The following ADGRV1 variants were observed in gnomAD, a reference collection of about 807,000 sequenced individuals.
The protein encoded by ADGRV1 is adhesion G protein-coupled receptor V1, also known as G-protein coupled receptor 98.
ADGRV1 carries 359 observed loss-of-function variants against 596.2 expected under a neutral mutation model. That is an observed-to-expected ratio of 0.60 (90% CI 0.55 to 0.66). ADGRV1 has a LOEUF of 0.66. Ranked by LOEUF, ADGRV1 falls within the 30% of genes least tolerant of loss-of-function variation. The pLI, the probability that ADGRV1 is intolerant of heterozygous loss-of-function variation, is 0.00. For synonymous variants in ADGRV1, 2,681 were observed against 2,679.2 expected, an observed-to-expected ratio of 1.00 and a Z score of -0.02; for missense variants, 7,274 against 7,575.6, an observed-to-expected ratio of 0.96 and a Z score of 1.48.
chr5:90,932,151 A>C (rs1212990264), intron 83 of ADGRV1, among the ~76,000 whole-genome samples: 1 of 152,216 alleles, frequency 6.6e-6, no homozygotes, highest in Non-Finnish European at 1.5e-5. Context: ...AGAGAATTCA[A>C]GGAAGTGGTA....
Position 90,629,446 on chromosome 5 carries a change from CCT to C in ADGRV1, c.1748_1749del (p.Leu583HisfsTer18). ...TCTTAAATATATCAAGGAGAAATGACCTCATTTTTCCAGAGCAAAAAACTCAA... is the reference window on the plus strand; with the variant it reads ...TCTTAAATATATCAAGGAGAAATGACCATTTTTCCAGAGCAAAAAACTCAA... ...GILNISRRNDLIFPEQKTQVT... is the reference protein window; with the variant it reads ...GILNISRRNDXIFPEQKTQVT... On this transcript the variant is annotated frameshift_variant, in exon 9 of 90. Transcript: ENST00000405460. LOFTEE classifies it high-confidence loss of function. 6.2e-7 allele frequency: 1 copy of C among 1,613,346 alleles called. No homozygotes were observed. Among genetic ancestry groups the C allele is most frequent in the Non-Finnish European group, 8.5e-7 (1 of 1,179,578 alleles).
At chr5:90,611,704 A>G (rs1026411423) in intron 1 of ADGRV1, among the ~76,000 whole-genome samples, 1 of 151,964 alleles carries the variant, frequency 6.6e-6, no homozygotes, top group East Asian at 1.9e-4. Flanking sequence ...GGCATGAAAA[A>G]ATTTTGTTAA....
intron 85 of ADGRV1, among the ~76,000 whole-genome samples, chr5:90,988,492 G>A (rs376471397): frequency 6.6e-6 from 1 of 152,038 alleles, no homozygotes; most frequent in East Asian, 1.9e-4. Flanking sequence ...CCCCCTGTAC[G>A]TTGTTATCTA....
intron 1 of ADGRV1, among the ~76,000 whole-genome samples, chr5:90,613,097 T>C (rs1762911690): frequency 1.3e-5 from 2 of 152,130 alleles, no homozygotes; most frequent in South Asian, 4.1e-4. Context: ...ACTCATGCTG[T>C]AATTTCACTT....
At chr5:91,160,409 T>C (rs1440090178) in intron 89 of ADGRV1, among the ~76,000 whole-genome samples, 1 of 152,174 alleles carries the variant, frequency 6.6e-6, no homozygotes, top group Non-Finnish European at 1.5e-5. Context: ...TTTGGATCAT[T>C]GTCACATTGA....
chr5:90,691,610 C>G (rs139072524), intron 31 of ADGRV1, among the ~76,000 whole-genome samples: 3,240 of 152,096 alleles, frequency 0.021, 105 homozygotes, highest in African/African-American at 0.075. Flanking sequence ...GTCTCGAACT[C>G]CTGACCTCAG....
chr5:91,118,300 G>A (rs548308136), intron 87 of ADGRV1, among the ~76,000 whole-genome samples: 275 of 151,922 alleles, frequency 1.8e-3, no homozygotes, highest in Middle Eastern at 0.014. Context: ...TGGGGGAGGG[G>A]GATGGTCACA....
At chr5:90,861,041 G>C (rs1415311016) in intron 82 of ADGRV1, among the ~76,000 whole-genome samples, 1 of 151,934 alleles carries the variant, frequency 6.6e-6, no homozygotes, top group Non-Finnish European at 1.5e-5. Flanking sequence ...AAATATTGTA[G>C]AGATAGATAA....
intron 85 of ADGRV1, among the ~76,000 whole-genome samples, chr5:91,071,440 T>C (rs1157413026): frequency 6.6e-6 from 1 of 152,014 alleles, no homozygotes; most frequent in African/African-American, 2.4e-5. Flanking sequence ...ACTAGATCAG[T>C]GGTTCCCAAA....
chr5:91,033,114 T>G (rs1784609043), intron 85 of ADGRV1, among the ~76,000 whole-genome samples: 1 of 152,214 alleles, frequency 6.6e-6, no homozygotes. Flanking sequence ...TGAACTGAGC[T>G]TTTTGTTAAC....
chr5:90,850,699 T>C (rs1766399040), intron 79 of ADGRV1: 1 of 152,194 alleles, frequency 6.6e-6, no homozygotes, highest in African/African-American at 2.4e-5. Context: ...ACCAGCATGT[T>C]AAAATCACAA....
chr5:90,859,723 G>T (rs949831491), intron 82 of ADGRV1, among the ~76,000 whole-genome samples: 4 of 152,148 alleles, frequency 2.6e-5, no homozygotes, highest in Admixed American at 6.5e-5. Context: ...GTAGCCACTA[G>T]TCACCAGTGG....
Position 90,985,501 on chromosome 5 carries a change from A to G in ADGRV1, c.18131A>G (p.Tyr6044Cys), listed in dbSNP as rs121909763. The G allele has an allele frequency of 6.2e-7, 1 of 1,613,784 alleles. No individual in the cohort carries two copies. The highest frequency in any genetic ancestry group is 8.5e-7 in the Non-Finnish European group (1 of 1,179,716). ...TATCATCAGAGCATGTCACAGATCTATGGACTCATTCATGGTGACCTGTAA... is the reference window on the plus strand; with the variant it reads ...TATCATCAGAGCATGTCACAGATCTGTGGACTCATTCATGGTGACCTGTAA... ...GIYHQSMSQI[Y>C]GLIHGDLCFI... The change falls in exon 85 of 90, where the codon TAT (tyrosine) becomes TGT (cysteine). Residue 6044 changes from tyrosine to cysteine, a missense_variant. This residue lies in a region of ADGRV1 where 1,874 missense variants were observed against 1,970.2 expected (regional missense o/e 0.95). Coordinates refer to ENST00000405460, the MANE Select transcript of ADGRV1 (RefSeq NM_032119.4).
chr5:90,735,660 T>C (rs1222539133), intron 50 of ADGRV1, among the ~76,000 whole-genome samples: 1 of 152,160 alleles, frequency 6.6e-6, no homozygotes, highest in Non-Finnish European at 1.5e-5. Flanking sequence ...GATATCTTTT[T>C]ATTTATTTGT....
intron 1 of ADGRV1, among the ~76,000 whole-genome samples, chr5:90,576,583 T>A (rs6888145): frequency 0.089 from 13,551 of 152,272 alleles, 1,895 homozygotes; most frequent in African/African-American, 0.3. Flanking sequence ...TACGTGTGCA[T>A]GTGTCTTTAT....
rs771281427 is a variant in ADGRV1, at chr5:90,818,860, A to G, written c.16196+3124A>G. Among the ~76,000 whole-genome samples, 914 of 149,254 alleles carry G rather than the reference A, an allele frequency of 6.1e-3. 4 individuals are homozygous for G. The highest frequency in any genetic ancestry group is 0.01 in the Non-Finnish European group (666 of 66,428). ...TTTTGCATCAATGTTCATCAAGGAT[A>G]TTGGTCTAAAATTCTCTTTTTTGGT... On this transcript the variant is annotated intron_variant, in intron 75 of 89. Transcript: ENST00000405460.
rs73185165 is a variant in ADGRV1, at chr5:90,955,597, A to G, written c.17857-9818A>G. On this transcript the variant is annotated intron_variant, in intron 83 of 89. Transcript: ENST00000405460. The stretch of plus-strand genomic sequence containing the variant: ...AAAGGAATGAAAAGATCTGATTTGT[A>G]AAATGCTCTCATATTGAAATACTTT... Among the ~76,000 whole-genome samples the G allele has an allele frequency of 8.8e-3, 1,336 of 152,330 alleles. 19 individuals are homozygous for G. The highest frequency in any genetic ancestry group is 0.023 in the African/African-American group (936 of 41,576).
intron 85 of ADGRV1, among the ~76,000 whole-genome samples, chr5:91,043,292 C>T (rs1313348011): frequency 6.6e-6 from 1 of 152,118 alleles, no homozygotes; most frequent in Non-Finnish European, 1.5e-5. Flanking sequence ...AATACTATAT[C>T]AATACTTAAT....
chr5:90,622,709 T>A lies in ADGRV1; in HGVS notation c.558+8T>A, dbSNP rs1764246641. The A allele has an allele frequency of 8.6e-7, 1 of 1,164,560 alleles. No homozygotes were observed. Among genetic ancestry groups the A allele is most frequent in the South Asian group, 1.8e-5 (1 of 57,032 alleles). 72.1% of individuals were successfully genotyped at this position (1,164,560 alleles called of 1,614,324 possible). A position where few individuals can be genotyped will look rare whatever the true frequency, so the allele number is the denominator to read the frequency against. On this transcript the variant is annotated splice_region_variant and intron_variant, in intron 5 of 89. Transcript: ENST00000405460. ...GTCATGGTGACTTTTGAGGTAAGTT[T>A]ACTCTGAAGTCATTTTATTTTATTT... is the stretch of plus-strand genomic sequence containing the variant.
Sources: allele counts gnomAD v4.1 joint callset (sites outside exome capture counted in the v4.1 genomes callset), GRCh38; gene constraint gnomAD v4.1.1; regional missense constraint gnomAD v4.1.1; transcripts MANE v1.5; gene names NCBI Gene and HGNC (gene_info 2026-07-23, HGNC 2026-07-21).